Variants in AP4E1 observed in about 807,000 individuals in gnomAD.
AP4E1 encodes the protein AP-4 complex subunit epsilon-1.
In AP4E1, 56 loss-of-function variants were observed where a neutral mutation model predicts 128.2. That is an observed-to-expected ratio of 0.44 (90% CI 0.35 to 0.55). AP4E1 has a LOEUF of 0.55. AP4E1 is among the 20% of genes least tolerant of loss of function. The pLI is 0.00. For synonymous variants in AP4E1, 484 were observed against 473.1 expected (o/e 1.02, Z -0.30); for missense variants, 1,324 against 1,307.7 (o/e 1.01, Z -0.19).
chr15:50,993,597 G>A lies in AP4E1; in HGVS notation c.2318G>A (p.Gly773Asp). The A allele has an allele frequency of 6.2e-7, 1 of 1,613,912 alleles. No individual in the cohort carries two copies. Among genetic ancestry groups the A allele is most frequent in the Non-Finnish European group, 8.5e-7 (1 of 1,179,884 alleles). The change falls in exon 17 of 21, where the codon GGT (glycine) becomes GAT (aspartate). Residue 773 changes from glycine (G) to aspartate (D), a missense_variant. Coordinates refer to ENST00000261842, the MANE Select transcript of AP4E1 (RefSeq NM_007347.5). ...KQLLASSLFVGLGSESTINLL... is the reference protein window; with the variant it reads ...KQLLASSLFVDLGSESTINLL... The stretch of plus-strand genomic sequence containing the variant: ...CTGCTGGCATCATCATTATTTGTTG[G>A]TCTAGGATCAGAAAGTACAATCAAC...
intron 3 of AP4E1, among the ~76,000 whole-genome samples, chr15:50,922,798 G>A (rs1158479827): frequency 6.8e-6 from 1 of 147,100 alleles, no homozygotes; most frequent in South Asian, 2.1e-4. Flanking sequence ...TTTTTTTTGA[G>A]ACCGAGTCTT....
intron 10 of AP4E1, chr15:50,945,765 A>G: frequency 2.6e-6 from 2 of 764,854 alleles, no homozygotes; most frequent in Admixed American, 3.8e-5. Context: ...CATGAGAAAA[A>G]GCAGCTAAGG....
At chr15:50,974,210 C>T (rs1020419632) in intron 15 of AP4E1, among the ~76,000 whole-genome samples, 3 of 151,870 alleles carry the variant, frequency 2.0e-5, no homozygotes, top group African/African-American at 7.3e-5. Flanking sequence ...AAGTGATCCA[C>T]CTGTCTTGGC....
intron 2 of AP4E1, 41 bp from the exon 3 acceptor site, chr15:50,915,407 T>C: frequency 6.3e-7 from 1 of 1,587,772 alleles, no homozygotes; most frequent in Non-Finnish European, 8.6e-7. Flanking sequence ...AATCTAAATA[T>C]TCTGTTTATT....
chr15:50,967,561 T>C (rs1294248866), intron 14 of AP4E1, among the ~76,000 whole-genome samples: 1 of 152,184 alleles, frequency 6.6e-6, no homozygotes, highest in Non-Finnish European at 1.5e-5. Flanking sequence ...AGGAAACCAA[T>C]ACAGTTACCA....
Position 50,908,910 on chromosome 15 carries a change from A to C in AP4E1, c.132A>C (p.Thr44=), listed in dbSNP as rs2063530664. The change falls in exon 1 of 21, where the codon ACA becomes ACC. Residue 44 remains threonine (T), a synonymous_variant. Transcript: ENST00000261842. ...TGGGCAGCCTTGTCCGCGGCATCAC[A>C]GCCCTCACCTCCAAGCACGTAGGTG... ...SRLGSLVRGI[T]ALTSKHEEEK... The C allele has an allele frequency of 1.4e-5, 22 of 1,610,872 alleles. No individual in the cohort carries two copies. Among genetic ancestry groups the C allele is most frequent in the Non-Finnish European group, 1.8e-5 (21 of 1,179,478 alleles).
intron 8 of AP4E1, 90 bp downstream of exon 8, chr15:50,934,787 T>A (rs1000840646): frequency 1.2e-6 from 1 of 818,672 alleles, no homozygotes; most frequent in African/African-American, 1.7e-5. Context: ...TAAATTCCAA[T>A]AGAATTTTAT....
chr15:50,984,585 G>A (rs2064690674), intron 16 of AP4E1, among the ~76,000 whole-genome samples: 1 of 151,322 alleles, frequency 6.6e-6, no homozygotes, highest in Admixed American at 6.6e-5. Context: ...GCGATAGTTT[G>A]CTGAGAATGA....
chr15:50,935,703 A>T (rs911935845), intron 8 of AP4E1, among the ~76,000 whole-genome samples: 1 of 152,204 alleles, frequency 6.6e-6, no homozygotes, highest in African/African-American at 2.4e-5. Context: ...TGAGACAAGG[A>T]TAACCTGCGG....
rs1350562133 is a variant in AP4E1, at chr15:51,002,945, T to G, written c.*283T>G. ...TATATCACTTAGTGTGTAGAGGGAC[T>G]GAAAATATTTATTTTGTTATAAATA... On this transcript the variant is annotated 3_prime_UTR_variant, in exon 21 of 21. Transcript: ENST00000261842. The G allele has an allele frequency of 3.4e-6, 1 of 294,764 alleles. No individual in the cohort carries two copies. The highest frequency in any genetic ancestry group is 2.2e-5 in the African/African-American group (1 of 46,170). The allele number at this position is 294,764 out of a possible 1,614,324, so 18.3% of individuals were successfully genotyped here. A position where few individuals can be genotyped will look rare whatever the true frequency, so the allele number is the denominator to read the frequency against.
At chr15:50,955,218 A>G (rs2140872540) in intron 13 of AP4E1, among the ~76,000 whole-genome samples, 1 of 152,298 alleles carries the variant, frequency 6.6e-6, no homozygotes, top group East Asian at 1.9e-4. Flanking sequence ...GGCTGGATCA[A>G]ATGGTATTTC....
At chr15:50,925,863 G>C (rs1249046184) in intron 5 of AP4E1, among the ~76,000 whole-genome samples, 1 of 150,646 alleles carries the variant, frequency 6.6e-6, no homozygotes, top group Non-Finnish European at 1.5e-5. Context: ...GACCTCAGGT[G>C]ATCCACCTGC....
intron 8 of AP4E1, among the ~76,000 whole-genome samples, chr15:50,938,115 A>G (rs2063932303): frequency 3.3e-5 from 5 of 152,134 alleles, no homozygotes; most frequent in Admixed American, 2.0e-4. Context: ...AAGGTGGAGA[A>G]CAAGTCAGGC....
rs1567266748 is a variant in AP4E1, at chr15:50,997,669, C to T, written c.2690C>T (p.Ala897Val). Residue 897 changes from alanine to valine, a missense_variant, in exon 18 of 21, where the codon GCC becomes GTC. Ala to Val is a moderately conservative substitution (Grantham distance 64). Transcript: ENST00000261842. ...HPPQSTAASV[A>V]KESSLASSFL... ...CCTCAATCTACTGCAGCCTCAGTTG[C>T]CAAGGAAAGCTCTTTAGCTTCATCT... The T allele has an allele frequency of 3.7e-6, 6 of 1,614,002 alleles. No individual in the cohort carries two copies. The Admixed American group carries it at 1.0e-4, about 27-fold the overall frequency.
chr15:50,934,751 G>A, intron 8 of AP4E1, 54 bp downstream of exon 8: 1 of 1,192,392 alleles, frequency 8.4e-7, no homozygotes, highest in Non-Finnish European at 1.2e-6. Flanking sequence ...TTTTAGTATT[G>A]CAGTTAAATC....
intron 3 of AP4E1, among the ~76,000 whole-genome samples, chr15:50,922,330 T>G (rs2063715251): frequency 6.6e-6 from 1 of 152,072 alleles, no homozygotes; most frequent in African/African-American, 2.4e-5. Context: ...AGACTCTGTC[T>G]CAGGAAACGA....
chr15:50,975,956 CAGAGAGAGAGAGAGAG>C (rs35121200), intron 15 of AP4E1, among the ~76,000 whole-genome samples: 1 of 148,288 alleles, frequency 6.7e-6, no homozygotes, highest in Admixed American at 6.7e-5. Flanking sequence ...ACAAAAGGGA[CAGAGAGAGAGAGAGAG>C]AGAGAGAGAA....
intron 3 of AP4E1, among the ~76,000 whole-genome samples, chr15:50,923,707 C>A (rs1311104205): frequency 2.6e-5 from 4 of 152,068 alleles, no homozygotes; most frequent in African/African-American, 9.7e-5. Context: ...AGTGTCTATT[C>A]CGTTTCTGGA....
rs746257118 is a variant in AP4E1 at position 50,941,425 on chromosome 15, T to C, written c.944-17T>C. On this transcript the variant is annotated splice_polypyrimidine_tract_variant and intron_variant, in intron 8 of 20. Coordinates refer to ENST00000261842, the MANE Select transcript of AP4E1 (RefSeq NM_007347.5). ...ACCTTACCATGATACCTGCCATTTT[T>C]ATGTTTCTTTTTCTAGCTATTTTGT... is the stretch of plus-strand genomic sequence containing the variant. 3 of 1,610,552 alleles carry C rather than the reference T, an allele frequency of 1.9e-6. No individual in the cohort carries two copies. The highest frequency in any genetic ancestry group is 1.1e-5 in the South Asian group (1 of 90,924).
Sources: allele counts gnomAD v4.1 joint callset (sites outside exome capture counted in the v4.1 genomes callset), GRCh38; gene constraint gnomAD v4.1.1; transcripts MANE v1.5; gene names NCBI Gene and HGNC (gene_info 2026-07-23, HGNC 2026-07-21).